The following ACTN4 variants were observed in gnomAD, a reference collection of about 807,000 sequenced individuals.
ACTN4 encodes actinin alpha 4, also known as alpha-actinin-4.
A neutral mutation model predicts 114.2 loss-of-function variants in ACTN4; 18 were observed. The ratio of observed to expected loss-of-function variants is 0.16; its 90% confidence interval spans 0.11 to 0.23. The LOEUF (loss-of-function observed/expected upper bound fraction) is 0.23, where lower values mean the gene tolerates loss of function less well. Among genes scored for constraint, ACTN4 ranks in the 10% least tolerant of loss-of-function variants. The pLI is 1.00. For synonymous variants in ACTN4, 515 were observed against 506.3 expected (o/e 1.02, Z -0.23); for missense variants, 722 against 1,262.9 (o/e 0.57, Z 6.49).
At chr19:38,698,871 T>C (rs898028522) in intron 1 of ACTN4, among the ~76,000 whole-genome samples, 1 of 152,210 alleles carries the variant, frequency 6.6e-6, no homozygotes, top group Admixed American at 6.5e-5. Context: ...GGGGGCTTTG[T>C]GTCGAGTCTC....
At chr19:38,715,111 T>C (rs1365423369) in intron 9 of ACTN4, among the ~76,000 whole-genome samples, 5 of 152,182 alleles carry the variant, frequency 3.3e-5, no homozygotes, top group Non-Finnish European at 7.4e-5. Flanking sequence ...GCAGCCCTGC[T>C]CTAGAGTCCA....
In ACTN4 at chr19:38,647,739, C is replaced by T. The variant is rs775600001; in HGVS notation, c.-7C>T. ...GACAGGCTGGTGGGCGAGCGAGAGG[C>T]GGCGGAATGGTGGACTACCACGCGG... On this transcript the variant is annotated 5_prime_UTR_variant, in exon 1 of 21. Transcript: ENST00000252699. 3 of 1,540,094 alleles carry T rather than the reference C, an allele frequency of 1.9e-6. No homozygotes were observed. The highest frequency in any genetic ancestry group is 2.0e-5 in the Admixed American group (1 of 50,682).
chr19:38,722,788 C>T (rs1237497271), intron 12 of ACTN4, among the ~76,000 whole-genome samples: 1 of 152,206 alleles, frequency 6.6e-6, no homozygotes, highest in Non-Finnish European at 1.5e-5. Flanking sequence ...TGAAATAAAC[C>T]CTAGGCTTGC....
At chr19:38,713,567 G>A (rs900701327) in intron 8 of ACTN4, among the ~76,000 whole-genome samples, 2 of 152,152 alleles carry the variant, frequency 1.3e-5, no homozygotes, top group Non-Finnish European at 1.5e-5. Context: ...GCGTGTGTGC[G>A]CTCACACGAG....
chr19:38,710,099 G>C (rs1358725727), intron 7 of ACTN4, among the ~76,000 whole-genome samples, 158 bp from the exon 8 acceptor site: 1 of 152,028 alleles, frequency 6.6e-6, no homozygotes, highest in Non-Finnish European at 1.5e-5. Flanking sequence ...ATGGGAGAGG[G>C]AGGGGCTGAG....
chr19:38,652,098 C>G (rs1976580337), intron 1 of ACTN4, among the ~76,000 whole-genome samples: 2 of 151,984 alleles, frequency 1.3e-5, no homozygotes, highest in Admixed American at 1.3e-4. Context: ...CCAAAGTAGC[C>G]ATCTGTTACT....
At chr19:38,655,523 T>C (rs1308286391) in intron 1 of ACTN4, among the ~76,000 whole-genome samples, 3 of 152,188 alleles carry the variant, frequency 2.0e-5, no homozygotes, top group African/African-American at 7.2e-5. Flanking sequence ...GAAAAAAACT[T>C]GATCTCATCT....
intron 1 of ACTN4, among the ~76,000 whole-genome samples, chr19:38,684,787 A>G (rs1261465261): frequency 1.3e-5 from 2 of 151,532 alleles, no homozygotes; most frequent in Non-Finnish European, 2.9e-5. Flanking sequence ...CTCTGTGGTC[A>G]TGGTCAGGTT....
chr19:38,650,689 T>C (rs999742502), intron 1 of ACTN4, among the ~76,000 whole-genome samples: 1 of 152,188 alleles, frequency 6.6e-6, no homozygotes, highest in Admixed American at 6.5e-5. Context: ...TCTGTGTGGC[T>C]CTCTACCTTC....
intron 1 of ACTN4, among the ~76,000 whole-genome samples, chr19:38,694,876 T>C (rs1968041150): frequency 6.6e-6 from 1 of 151,194 alleles, no homozygotes; most frequent in Non-Finnish European, 1.5e-5. Flanking sequence ...GAATGTAATT[T>C]TGCGGGGGGG....
intron 1 of ACTN4, among the ~76,000 whole-genome samples, chr19:38,691,018 G>T (rs1292321769): frequency 6.6e-6 from 1 of 152,248 alleles, no homozygotes; most frequent in Non-Finnish European, 1.5e-5. Flanking sequence ...GGTTCCCACA[G>T]CAAACAGAAC....
chr19:38,730,798 G>A lies in ACTN4; in HGVS notation c.*1366G>A. On this transcript the variant is annotated 3_prime_UTR_variant, in exon 21 of 21. Transcript: ENST00000252699. ...CCCATGCCAGGCAAGGCCTAGGGAGGTGGTCTTGCTCAGCAACCCTGCCCT... is the reference window on the plus strand; with the variant it reads ...CCCATGCCAGGCAAGGCCTAGGGAGATGGTCTTGCTCAGCAACCCTGCCCT... The A allele has an allele frequency of 6.5e-7, 1 of 1,546,554 alleles. No homozygotes were observed. The highest frequency in any genetic ancestry group is 1.4e-5 in the African/African-American group (1 of 73,130).
intron 1 of ACTN4, among the ~76,000 whole-genome samples, chr19:38,657,734 G>A (rs1473918789): frequency 6.6e-6 from 1 of 152,150 alleles, no homozygotes; most frequent in African/African-American, 2.4e-5. Context: ...CTCGCAGGTG[G>A]TTCGGCATCT....
intron 19 of ACTN4, among the ~76,000 whole-genome samples, chr19:38,728,618 G>A (rs1199734129): frequency 6.6e-6 from 1 of 152,082 alleles, no homozygotes; most frequent in East Asian, 1.9e-4. Context: ...TCCAGAAAGA[G>A]GGGGCAGCTC....
In ACTN4 at chr19:38,724,989, T is replaced by C. The variant is rs909825217; in HGVS notation, c.2010+424T>C. 1.2e-4 allele frequency among the ~76,000 whole-genome samples: 18 copies of C among 152,230 alleles called. No individual in the cohort carries two copies. Among genetic ancestry groups the C allele is most frequent in the Non-Finnish European group, 2.5e-4 (17 of 68,040 alleles). ...ACCTATGGGAGGTGGGTTTGATCCC[T>C]GAATGCCCTGGTCTGATGATTGTGA... On this transcript the variant is annotated intron_variant, in intron 16 of 20. Transcript: ENST00000252699. The surrounding 1 kb of genome is among the most constrained non-coding windows in gnomAD (Gnocchi z 7.0).
At chr19:38,704,848 G>A in intron 3 of ACTN4, 86 bp from the exon 4 acceptor site, 2 of 1,255,840 alleles carry the variant, frequency 1.6e-6, no homozygotes, top group South Asian at 2.4e-5. Flanking sequence ...TCTAGATGGG[G>A]CTGGAAGGCC....
At chr19:38,668,269 C>A (rs1418889210) in intron 1 of ACTN4, among the ~76,000 whole-genome samples, 2 of 152,178 alleles carry the variant, frequency 1.3e-5, no homozygotes, top group Admixed American at 6.5e-5. Context: ...TTCCTGTGAT[C>A]CTAGATCCTG....
chr19:38,714,157 C>T (rs1033235163), intron 8 of ACTN4, among the ~76,000 whole-genome samples: 3 of 152,168 alleles, frequency 2.0e-5, no homozygotes, highest in South Asian at 2.1e-4. Flanking sequence ...CCAACGCAGC[C>T]GACCCGTCCA....
In ACTN4 at chr19:38,724,116, T is replaced by G; in HGVS notation, c.1692+39T>G. ...GGCCCCCCATCTTCCCAAGAGCCTC[T>G]GTGGGGCTGGGCCGCCCCCTCACTC... On this transcript the variant is annotated intron_variant, in intron 14 of 20. Coordinates refer to ENST00000252699, the MANE Select transcript of ACTN4 (RefSeq NM_004924.6). The surrounding 1 kb of genome is among the most constrained non-coding windows in gnomAD (Gnocchi z 7.0). The G allele has an allele frequency of 6.2e-7, 1 of 1,613,634 alleles. No individual in the cohort carries two copies. Among genetic ancestry groups the G allele is most frequent in the African/African-American group, 1.3e-5 (1 of 75,020 alleles).
Sources: allele counts gnomAD v4.1 joint callset (sites outside exome capture counted in the v4.1 genomes callset), GRCh38; gene constraint gnomAD v4.1.1; non-coding constraint Gnocchi (gnomAD v3.1); transcripts MANE v1.5; gene names NCBI Gene and HGNC (gene_info 2026-07-23, HGNC 2026-07-21).